The following EIF2B3 variants were observed in gnomAD, a reference collection of about 807,000 sequenced individuals.
The protein encoded by EIF2B3 is translation initiation factor eIF2B subunit gamma.
In EIF2B3, 20 loss-of-function variants were observed where a neutral mutation model predicts 54.1. The ratio of observed to expected loss-of-function variants is 0.37; its 90% CI spans 0.26 to 0.54. EIF2B3 has a LOEUF of 0.54. Ranked by LOEUF, EIF2B3 falls within the 20% of genes least tolerant of loss-of-function variation. The pLI is 0.86. For missense variants in EIF2B3, 448 were observed against 547.8 expected, an observed-to-expected ratio of 0.82 and a Z score of 1.82; for synonymous variants, 153 against 188.1, an observed-to-expected ratio of 0.81 and a Z score of 1.52.
At chr1:44,917,701 T>C (rs1643651242) in intron 5 of EIF2B3, among the ~76,000 whole-genome samples, 1 of 147,122 alleles carries the variant, frequency 6.8e-6, no homozygotes, top group South Asian at 2.2e-4. Context: ...GATATGCCCA[T>C]TTGTAACTCT....
chr1:44,913,504 A>C (rs962804679), intron 5 of EIF2B3, among the ~76,000 whole-genome samples: 1 of 151,796 alleles, frequency 6.6e-6, no homozygotes, highest in African/African-American at 2.4e-5. Context: ...TTTAATGGAA[A>C]AAAAAAAAAA....
chr1:44,926,760 A>C, intron 4 of EIF2B3, 21 bp from the exon 5 acceptor site: 1 of 1,603,456 alleles, frequency 6.2e-7, no homozygotes, highest in East Asian at 2.2e-5. Flanking sequence ...CAAAAGAAAA[A>C]AAAAATCAAA....
At chr1:44,951,804 T>TC (rs1644164072) in intron 3 of EIF2B3, among the ~76,000 whole-genome samples, 1 of 151,440 alleles carries the variant, frequency 6.6e-6, no homozygotes, top group African/African-American at 2.4e-5. Context: ...TTTTTTTTTT[T>TC]TGAGACGGGG....
chr1:44,888,713 G>A (rs1238078850), intron 6 of EIF2B3, among the ~76,000 whole-genome samples: 1 of 152,166 alleles, frequency 6.6e-6, no homozygotes, highest in Non-Finnish European at 1.5e-5. Context: ...AGACGGCCCA[G>A]CAAGCTGGTA....
At chr1:44,962,964 T>C (rs1031304378) in intron 3 of EIF2B3, among the ~76,000 whole-genome samples, 3 of 152,126 alleles carry the variant, frequency 2.0e-5, no homozygotes, top group Non-Finnish European at 4.4e-5. Context: ...CTGGGTGCAG[T>C]GGCTCATGCC....
At chr1:44,981,638 T>A (rs1644514303) in intron 1 of EIF2B3, among the ~76,000 whole-genome samples, 2 of 152,150 alleles carry the variant, frequency 1.3e-5, no homozygotes, top group African/African-American at 4.8e-5. Flanking sequence ...TGAATTTTTA[T>A]TCTTTGAAAA....
chr1:44,942,394 T>TACATACATAC, intron 3 of EIF2B3, among the ~76,000 whole-genome samples: 1 of 16,740 alleles, frequency 6.0e-5, no homozygotes. Flanking sequence ...TATATATATA[T>TACATACATAC]ATATATATAT....
At chr1:44,921,581 G>A (rs965428149) in intron 5 of EIF2B3, among the ~76,000 whole-genome samples, 3 of 152,138 alleles carry the variant, frequency 2.0e-5, no homozygotes, top group African/African-American at 7.2e-5. Context: ...AAGAGACAGG[G>A]GTCTAGTTTC....
At chr1:44,897,905 T>G (rs188234193) in intron 5 of EIF2B3, among the ~76,000 whole-genome samples, 127 of 151,936 alleles carry the variant, frequency 8.4e-4, no homozygotes, top group Admixed American at 3.1e-3. Flanking sequence ...CCCAGCTAAT[T>G]TTTGTATTTT....
chr1:44,908,058 T>C (rs991926763), intron 5 of EIF2B3, among the ~76,000 whole-genome samples: 2 of 152,190 alleles, frequency 1.3e-5, no homozygotes, highest in Non-Finnish European at 2.9e-5. Flanking sequence ...AAGAATGTGG[T>C]GCAAATAATG....
intron 5 of EIF2B3, among the ~76,000 whole-genome samples, chr1:44,920,070 T>C (rs929060538): frequency 1.3e-5 from 2 of 150,206 alleles, no homozygotes; most frequent in African/African-American, 4.9e-5. Context: ...AGTCTCCCTC[T>C]GTCGTTCAGG....
At chr1:44,884,723 C>T (rs1655520398) in intron 6 of EIF2B3, among the ~76,000 whole-genome samples, 1 of 152,112 alleles carries the variant, frequency 6.6e-6, no homozygotes, top group Admixed American at 6.5e-5. Context: ...AAGTCAGTTC[C>T]CTTTGAAGAA....
intron 6 of EIF2B3, among the ~76,000 whole-genome samples, chr1:44,889,061 T>A (rs1655703337): frequency 6.6e-6 from 1 of 152,204 alleles, no homozygotes; most frequent in African/African-American, 2.4e-5. Context: ...AGGGAATGAG[T>A]CCTTTCTGGT....
intron 3 of EIF2B3, among the ~76,000 whole-genome samples, chr1:44,957,820 C>T (rs888480917): frequency 6.6e-6 from 1 of 152,098 alleles, no homozygotes; most frequent in African/African-American, 2.4e-5. Context: ...CATTTCTCAC[C>T]AATTAGACTG....
chr1:44,935,784 A>C (rs1643940855), intron 4 of EIF2B3, among the ~76,000 whole-genome samples: 1 of 152,228 alleles, frequency 6.6e-6, no homozygotes, highest in African/African-American at 2.4e-5. Context: ...TATAGGCGTG[A>C]GCCACTGCAC....
intron 6 of EIF2B3, among the ~76,000 whole-genome samples, chr1:44,893,533 T>C (rs992333668): frequency 6.6e-6 from 1 of 152,200 alleles, no homozygotes; most frequent in Non-Finnish European, 1.5e-5. Flanking sequence ...CAAATGACTT[T>C]TGAGCATTAT....
chr1:44,951,309 CA>C (rs1216497600), intron 3 of EIF2B3, among the ~76,000 whole-genome samples: 1 of 152,178 alleles, frequency 6.6e-6, no homozygotes, highest in Non-Finnish European at 1.5e-5. Flanking sequence ...TCCCTGACCT[CA>C]AAAAGCTTAC....
At chr1:44,959,291 C>T in intron 3 of EIF2B3, 1 of 658,338 alleles carries the variant, frequency 1.5e-6, no homozygotes, top group Non-Finnish European at 2.9e-6. Context: ...TCTTCCACAG[C>T]ACCTGAAACC....
intron 3 of EIF2B3, among the ~76,000 whole-genome samples, chr1:44,945,356 C>A (rs1644088194): frequency 6.6e-6 from 1 of 151,740 alleles, no homozygotes; most frequent in South Asian, 2.1e-4. Flanking sequence ...AGATCGAGAC[C>A]ATCCTGGCTA....
Sources: allele counts gnomAD v4.1 joint callset (sites outside exome capture counted in the v4.1 genomes callset), GRCh38; gene constraint gnomAD v4.1.1; transcripts MANE v1.5; gene names NCBI Gene and HGNC (gene_info 2026-07-23, HGNC 2026-07-21).